WDR37: variants seen among roughly 807,000 people sequenced by gnomAD.
WDR37 encodes the protein WD repeat-containing protein 37.
A neutral mutation model predicts 62.9 loss-of-function variants in WDR37; 19 were observed. The observed-to-expected ratio is 0.30, with a 90% CI of 0.21 to 0.44. The LOEUF (loss-of-function observed/expected upper bound fraction) is 0.44. Among genes scored for constraint, WDR37 ranks in the 20% least tolerant of loss-of-function variants. The probability of loss-of-function intolerance (pLI) is 1.00; values close to 1 mark genes in which losing one functional copy is unlikely to be tolerated. For synonymous variants in WDR37, 250 were observed against 260.9 expected (o/e 0.96, Z 0.40); for missense variants, 474 against 657.6 (o/e 0.72, Z 3.05).
intron 13 of WDR37, among the ~76,000 whole-genome samples, chr10:1,127,555 C>CTGAT (rs1459956763): frequency 6.6e-6 from 1 of 152,170 alleles, no homozygotes; most frequent in Non-Finnish European, 1.5e-5. Context: ...GTGAAAGGGA[C>CTGAT]TGATTGAAAA....
At chr10:1,101,024 C>A (rs908290272) in intron 9 of WDR37, among the ~76,000 whole-genome samples, 2 of 152,230 alleles carry the variant, frequency 1.3e-5, no homozygotes, top group African/African-American at 4.8e-5. Context: ...AGACCAAACA[C>A]CTTTCCACCG....
chr10:1,111,919 T>A (rs1194724083), intron 11 of WDR37, among the ~76,000 whole-genome samples: 1 of 151,720 alleles, frequency 6.6e-6, no homozygotes, highest in Non-Finnish European at 1.5e-5. Context: ...TTTTTTTTTG[T>A]GAGACGGAGT....
intron 7 of WDR37, among the ~76,000 whole-genome samples, chr10:1,091,056 G>A (rs556687072): frequency 1.2e-4 from 19 of 152,308 alleles, no homozygotes; most frequent in South Asian, 1.2e-3. Context: ...ATTCTGTGCC[G>A]ATTTTGTAAG....
chr10:1,118,357 C>T (rs1564512389), intron 11 of WDR37, among the ~76,000 whole-genome samples: 1 of 145,862 alleles, frequency 6.9e-6, no homozygotes, highest in Admixed American at 6.8e-5. Flanking sequence ...CTTGAAGTCC[C>T]TGCACACATC....
At chr10:1,074,456 A>C (rs1292730560) in intron 2 of WDR37, 4 of 1,304,272 alleles carry the variant, frequency 3.1e-6, no homozygotes, top group Non-Finnish European at 4.0e-6. Flanking sequence ...CCCTAGACGG[A>C]GCTCATTTGT....
chr10:1,072,108 G>T lies in WDR37; in HGVS notation c.-40-8G>T, dbSNP rs1351080112. On this transcript the variant is annotated splice_region_variant and splice_polypyrimidine_tract_variant and intron_variant, in intron 1 of 13. Transcript: ENST00000263150. ...ATCAGAAACACTGTTTTTTCTTGCT[G>T]TTTTTAGCTTATTGCAGGAGTGACC... is the stretch of plus-strand genomic sequence containing the variant. The T allele has an allele frequency of 5.7e-6, 9 of 1,592,400 alleles. No individual in the cohort carries two copies. Among genetic ancestry groups the T allele is most frequent in the Admixed American group, 3.6e-5 (2 of 55,490 alleles).
At chr10:1,128,809 G>A (rs1835880776) in intron 13 of WDR37, among the ~76,000 whole-genome samples, 1 of 151,716 alleles carries the variant, frequency 6.6e-6, no homozygotes, top group African/African-American at 2.4e-5. Flanking sequence ...TGCCGTGCTC[G>A]GCGGTCCATG....
In WDR37 at chr10:1,121,041, C is replaced by T. The variant is rs559771125; in HGVS notation, c.1104-3177C>T. 1.1e-3 allele frequency among the ~76,000 whole-genome samples: 175 copies of T among 152,328 alleles called. No individual in the cohort carries two copies. The highest frequency in any genetic ancestry group is 2.1e-3 in the South Asian group (10 of 4,826). On this transcript the variant is annotated intron_variant, in intron 11 of 13. Coordinates refer to ENST00000263150, the MANE Select transcript of WDR37 (RefSeq NM_014023.4). This position sits in a 1 kb window ranked among gnomAD's most constrained non-coding sequence, Gnocchi z 4.5. The stretch of plus-strand genomic sequence containing the variant: ...CACACGACAAGATAAATGAGTTTGC[C>T]GGAGTTTGGCAGCGTCGGAACCATT...
intron 13 of WDR37, among the ~76,000 whole-genome samples, chr10:1,126,471 GC>G (rs1010808621): frequency 3.3e-5 from 5 of 152,062 alleles, no homozygotes; most frequent in South Asian, 2.1e-4. Context: ...CGTAATGGAG[GC>G]CCCCCCAGAG....
chr10:1,098,358 C>T (rs566997870), intron 9 of WDR37, among the ~76,000 whole-genome samples: 123 of 141,348 alleles, frequency 8.7e-4, no homozygotes, highest in Admixed American at 1.3e-3. Context: ...GATGGAGTCT[C>T]GCTCTGTTGC....
intron 11 of WDR37, among the ~76,000 whole-genome samples, chr10:1,114,756 C>G (rs1835334668): frequency 6.6e-6 from 1 of 152,246 alleles, no homozygotes; most frequent in Non-Finnish European, 1.5e-5. Context: ...AAGTTCTTTT[C>G]TGTTCGTGTG....
chr10:1,106,896 G>A (rs1476158074), intron 11 of WDR37, among the ~76,000 whole-genome samples: 1 of 152,242 alleles, frequency 6.6e-6, no homozygotes, highest in Non-Finnish European at 1.5e-5. Context: ...GCAGGCAGCA[G>A]TCACGACCAT....
intron 3 of WDR37, among the ~76,000 whole-genome samples, chr10:1,079,675 C>T (rs113293543): frequency 1.6e-4 from 24 of 152,082 alleles, no homozygotes; most frequent in Admixed American, 3.9e-4. Flanking sequence ...GCTGGGATTA[C>T]AGGCATGCAC....
intron 13 of WDR37, 197 bp downstream of exon 13, chr10:1,125,221 G>T (rs1564514213): frequency 3.1e-5 from 15 of 484,604 alleles, no homozygotes; most frequent in Admixed American, 2.0e-4. Context: ...CTACTTCAGT[G>T]TTTTTTTTTT....
rs1466619838 is a variant in WDR37, at chr10:1,130,067, A to G, written c.*723A>G. Reference sequence around the variant, plus strand: ...TGATTTCAAATATTAAGCAAAATGTAAAGCACTTTAATTTATAGCTATGGT... The same window carrying G: ...TGATTTCAAATATTAAGCAAAATGTGAAGCACTTTAATTTATAGCTATGGT... On this transcript the variant is annotated 3_prime_UTR_variant, in exon 14 of 14. Coordinates refer to ENST00000263150, the MANE Select transcript of WDR37 (RefSeq NM_014023.4). 3 of 152,670 alleles carry G rather than the reference A, an allele frequency of 2.0e-5. No homozygotes were observed. Among genetic ancestry groups the G allele is most frequent in the African/African-American group, 7.2e-5 (3 of 41,456 alleles). 9.5% of individuals were successfully genotyped at this position (152,670 alleles called of 1,614,324 possible).
Position 1,085,385 on chromosome 10 carries a change from C to G in WDR37, c.532+847C>G, listed in dbSNP as rs117348574. Among the ~76,000 whole-genome samples, 45 of 152,308 alleles carry G rather than the reference C, an allele frequency of 3.0e-4. 3 individuals are homozygous for G. In the East Asian group the frequency reaches 8.5e-3, roughly 29 times the overall value. On this transcript the variant is annotated intron_variant, in intron 6 of 13. Coordinates refer to ENST00000263150, the MANE Select transcript of WDR37 (RefSeq NM_014023.4). ...TAGTTTGGTACTCACTGAAAGTGAACACTACCTGGGCACGTAGCCAGCAGT... is the reference window on the plus strand; with the variant it reads ...TAGTTTGGTACTCACTGAAAGTGAAGACTACCTGGGCACGTAGCCAGCAGT...
chr10:1,077,119 C>T (rs979145165), intron 2 of WDR37, among the ~76,000 whole-genome samples: 1 of 152,042 alleles, frequency 6.6e-6, no homozygotes, highest in African/African-American at 2.4e-5. Context: ...GTGCATAGGC[C>T]ATGCCCTCAG....
chr10:1,098,413 C>T (rs1170427673), intron 9 of WDR37, among the ~76,000 whole-genome samples: 1 of 151,154 alleles, frequency 6.6e-6, no homozygotes, highest in African/African-American at 2.4e-5. Context: ...CTGCAACCTC[C>T]ACCTCCCGGG....
chr10:1,108,626 A>G (rs1482623269), intron 11 of WDR37, among the ~76,000 whole-genome samples: 1 of 152,062 alleles, frequency 6.6e-6, no homozygotes, highest in African/African-American at 2.4e-5. Context: ...ACTTCTGTCT[A>G]CACTGGTTAG....
Sources: allele counts gnomAD v4.1 joint callset (sites outside exome capture counted in the v4.1 genomes callset), GRCh38; gene constraint gnomAD v4.1.1; non-coding constraint Gnocchi (gnomAD v3.1); transcripts MANE v1.5; gene names NCBI Gene and HGNC (gene_info 2026-07-23, HGNC 2026-07-21).